NEK11: variants seen among roughly 807,000 people sequenced by gnomAD.
NEK11 encodes NIMA related kinase 11.
In NEK11, 72 loss-of-function variants were observed where a neutral mutation model predicts 80.7. That is an observed-to-expected ratio of 0.89 (90% CI 0.74 to 1.08). The LOEUF is 1.08. NEK11 is among the 50% of genes least tolerant of loss of function. The pLI, the probability that NEK11 is intolerant of heterozygous loss-of-function variation, is 0.00. For missense variants in NEK11, 764 were observed against 763.6 expected (o/e 1.00, Z -0.01); for synonymous variants, 251 against 260.7 (o/e 0.96, Z 0.36).
chr3:131,200,385 T>C (rs1197378354), intron 14 of NEK11, among the ~76,000 whole-genome samples: 1 of 152,206 alleles, frequency 6.6e-6, no homozygotes. Flanking sequence ...CCATTACTGG[T>C]GGGAGTATAA....
intron 3 of NEK11, among the ~76,000 whole-genome samples, chr3:131,073,759 T>C (rs1042695517): frequency 1.3e-5 from 2 of 152,148 alleles, no homozygotes; most frequent in Non-Finnish European, 2.9e-5. Context: ...TGGAAGACAG[T>C]GTTGGGGTCC....
In NEK11 at chr3:131,203,579, T is replaced by TA. The variant is rs1163338345; in HGVS notation, c.1400-24937dup. 9.6e-3 allele frequency among the ~76,000 whole-genome samples: 1,155 copies of TA among 120,400 alleles called. 7 individuals are homozygous for TA. Among genetic ancestry groups the TA allele is most frequent in the Non-Finnish European group, 0.012 (651 of 55,902 alleles). 79.0% of individuals were successfully genotyped at this position (120,400 alleles called of 152,430 possible). ...ATGTACCCTAAAACTTAAAGTATAATAAAAAAAAAAAAGAAACTTGGCTTC... is the reference window on the plus strand; with the variant it reads ...ATGTACCCTAAAACTTAAAGTATAATAAAAAAAAAAAAAGAAACTTGGCTTC... On this transcript the variant is annotated intron_variant, in intron 14 of 17. Transcript: ENST00000383366.
chr3:131,077,782 T>A (rs1243994298), intron 3 of NEK11, among the ~76,000 whole-genome samples: 1 of 152,192 alleles, frequency 6.6e-6, no homozygotes, highest in East Asian at 1.9e-4. Context: ...TTAAAAAAAG[T>A]GTCTTGTATG....
At chr3:131,157,638 C>T (rs1320629230) in intron 10 of NEK11, among the ~76,000 whole-genome samples, 1 of 152,136 alleles carries the variant, frequency 6.6e-6, no homozygotes, top group African/African-American at 2.4e-5. Context: ...GGATGACTGG[C>T]ACACTCCTAA....
intron 14 of NEK11, among the ~76,000 whole-genome samples, chr3:131,214,694 C>CGT (rs748168866): frequency 3.0e-5 from 2 of 65,840 alleles, no homozygotes; most frequent in East Asian, 7.7e-4. Flanking sequence ...AATGTGCGTG[C>CGT]ATGTGTGTGT....
At chr3:131,064,389 GT>G (rs1424403370) in intron 3 of NEK11, among the ~76,000 whole-genome samples, 1 of 152,132 alleles carries the variant, frequency 6.6e-6, no homozygotes, top group Non-Finnish European at 1.5e-5. Flanking sequence ...TCCTTGCTCT[GT>G]TTTCACATGG....
chr3:131,172,400 T>C (rs1286125591), intron 14 of NEK11, among the ~76,000 whole-genome samples: 1 of 152,234 alleles, frequency 6.6e-6, no homozygotes, highest in East Asian at 1.9e-4. Flanking sequence ...GATTTGCACT[T>C]GAAGTCTTCT....
chr3:131,062,667 A>G (rs1027263575), intron 3 of NEK11, among the ~76,000 whole-genome samples: 2 of 152,192 alleles, frequency 1.3e-5, no homozygotes, highest in Non-Finnish European at 2.9e-5. Flanking sequence ...AAACAGAACC[A>G]TGTGGTATGG....
chr3:131,079,739 GT>G (rs1382490228), intron 3 of NEK11, among the ~76,000 whole-genome samples: 3 of 152,060 alleles, frequency 2.0e-5, no homozygotes, highest in Admixed American at 6.6e-5. Context: ...CTCTATTAAT[GT>G]TTTTAGTTAA....
intron 4 of NEK11, among the ~76,000 whole-genome samples, chr3:131,107,126 C>T (rs1442841247): frequency 6.6e-6 from 1 of 151,970 alleles, no homozygotes; most frequent in Non-Finnish European, 1.5e-5. Context: ...ATGTTGGATC[C>T]TTTCTTCTCT....
intron 3 of NEK11, among the ~76,000 whole-genome samples, chr3:131,059,611 T>C (rs958761946): frequency 2.0e-5 from 3 of 152,180 alleles, no homozygotes; most frequent in African/African-American, 7.2e-5. Context: ...TCCATCTACA[T>C]AGTGTGAAGT....
chr3:131,232,692 C>T (rs776456322), intron 15 of NEK11, among the ~76,000 whole-genome samples: 3 of 152,152 alleles, frequency 2.0e-5, no homozygotes, highest in Non-Finnish European at 2.9e-5. Flanking sequence ...ACTGGATATG[C>T]GATAGGCAAG....
At chr3:131,133,725 A>G (rs2084983422) in intron 6 of NEK11, 105 bp from the exon 7 acceptor site, 11 of 766,824 alleles carry the variant, frequency 1.4e-5, no homozygotes, top group South Asian at 3.9e-5. Flanking sequence ...GCTATGAACC[A>G]TTGCATAATA....
In NEK11 at chr3:131,170,773, G is replaced by C; in HGVS notation, c.1285G>C (p.Glu429Gln). Residue 429 changes from glutamate (E) to glutamine (Q), a missense_variant and splice_region_variant, in exon 14 of 18, where the codon GAA (glutamate) becomes CAA (glutamine). Transcript: ENST00000383366. The part of the protein sequence containing the change: ...DEERWQGREE[E>Q]SDEPTLENLP... The stretch of plus-strand genomic sequence containing the variant: ...TGAATTGTTAATTACCTTCCACAAG[G>C]AATCTGATGAACCAACTTTAGAGAA... The C allele has an allele frequency of 1.3e-6, 2 of 1,597,376 alleles. No individual in the cohort carries two copies. Among genetic ancestry groups the C allele is most frequent in the Non-Finnish European group, 1.7e-6 (2 of 1,164,768 alleles).
chr3:131,278,085 G>A (rs567188577), intron 17 of NEK11, among the ~76,000 whole-genome samples: 1 of 152,230 alleles, frequency 6.6e-6, no homozygotes, highest in East Asian at 1.9e-4. Flanking sequence ...CATGCATGTA[G>A]TATCTTTTTA....
At chr3:131,130,604 G>A (rs1252670135) in intron 5 of NEK11, among the ~76,000 whole-genome samples, 1 of 152,126 alleles carries the variant, frequency 6.6e-6, no homozygotes, top group African/African-American at 2.4e-5. Flanking sequence ...TAGTTTATCA[G>A]AGTTATTGTC....
chr3:131,327,010 T>C (rs2096978783), intron 17 of NEK11, among the ~76,000 whole-genome samples: 1 of 152,204 alleles, frequency 6.6e-6, no homozygotes. Flanking sequence ...AAGTGCCATC[T>C]TGGAAGCAGA....
At chr3:131,261,895 G>C (rs74638017) in intron 16 of NEK11, among the ~76,000 whole-genome samples, 19,628 of 151,828 alleles carry the variant, frequency 0.13, 1,566 homozygotes, top group Admixed American at 0.21. Context: ...ACTGGAAAAA[G>C]ATGAGCAAAT....
At chr3:131,068,632 G>A (rs996225201) in intron 3 of NEK11, among the ~76,000 whole-genome samples, 1 of 152,122 alleles carries the variant, frequency 6.6e-6, no homozygotes, top group African/African-American at 2.4e-5. Flanking sequence ...GGGCAGGCGG[G>A]AGAAACCACA....
Sources: allele counts gnomAD v4.1 joint callset (sites outside exome capture counted in the v4.1 genomes callset), GRCh38; gene constraint gnomAD v4.1.1; transcripts MANE v1.5; gene names NCBI Gene and HGNC (gene_info 2026-07-23, HGNC 2026-07-21).